ASIC2: variants seen among roughly 807,000 people sequenced by gnomAD.
The protein encoded by ASIC2 is acid-sensing ion channel 2.
A neutral mutation model predicts 57.3 loss-of-function variants in ASIC2; 25 were observed. The ratio of observed to expected loss-of-function variants is 0.44; its 90% CI spans 0.32 to 0.61. The LOEUF is 0.61. Among genes scored for constraint, ASIC2 ranks in the 20% least tolerant of loss-of-function variants. The pLI is 0.06. For synonymous variants in ASIC2, 319 were observed against 307.5 expected (o/e 1.04, Z -0.39); for missense variants, 641 against 738.1 (o/e 0.87, Z 1.52).
At chr17:33,450,730 G>T (rs1226751795) in intron 1 of ASIC2, among the ~76,000 whole-genome samples, 1 of 152,168 alleles carries the variant, frequency 6.6e-6, no homozygotes, top group African/African-American at 2.4e-5. Flanking sequence ...CCATGACTTT[G>T]TCTTCCTCTG....
chr17:33,700,251 G>T (rs1043051906), intron 1 of ASIC2, among the ~76,000 whole-genome samples: 4 of 152,024 alleles, frequency 2.6e-5, no homozygotes, highest in Non-Finnish European at 5.9e-5. Context: ...AAGAAACTTT[G>T]CTTTCCTCTG....
chr17:33,649,807 C>A (rs1293989025), intron 1 of ASIC2, among the ~76,000 whole-genome samples: 1 of 152,138 alleles, frequency 6.6e-6, no homozygotes, highest in Non-Finnish European at 1.5e-5. Context: ...GATGCTGGAG[C>A]AAGTGGATAT....
intron 1 of ASIC2, among the ~76,000 whole-genome samples, chr17:33,810,932 T>C (rs1024945049): frequency 6.6e-6 from 1 of 151,136 alleles, no homozygotes; most frequent in African/African-American, 2.4e-5. Context: ...TAACAACTAA[T>C]GATAGAAAAA....
intron 1 of ASIC2, among the ~76,000 whole-genome samples, chr17:33,337,361 A>G (rs9896563): frequency 0.066 from 10,024 of 152,268 alleles, 583 homozygotes; most frequent in Admixed American, 0.16. Context: ...ACAGATGTGG[A>G]AACTGAGGCC....
Position 33,291,423 on chromosome 17 carries a change from C to T in ASIC2, c.693G>A (p.Pro231=). The change falls in exon 1 of 10, where the codon CCG becomes CCA. Residue 231 remains proline, a synonymous_variant. Transcript: ENST00000225823. ...SCKYRGELCG[P]HNFSSVFTKY... ...GGCAACTCACGGAGGAGAAGTTGTG[C>T]GGCCCGCAGAGCTCGCCGCGGTACT... 5.6e-6 allele frequency: 9 copies of T among 1,600,104 alleles called. No individual in the cohort carries two copies. The highest frequency in any genetic ancestry group is 2.2e-5 in the East Asian group (1 of 44,584).
chr17:33,517,217 G>A (rs1319820912), intron 1 of ASIC2, among the ~76,000 whole-genome samples: 2 of 152,178 alleles, frequency 1.3e-5, no homozygotes, highest in Non-Finnish European at 2.9e-5. Flanking sequence ...CCAGGTTCAA[G>A]TGATTCTCCT....
chr17:34,033,109 T>G (rs139879048), intron 1 of ASIC2, among the ~76,000 whole-genome samples: 7,623 of 152,188 alleles, frequency 0.05, 637 homozygotes, highest in African/African-American at 0.17. Context: ...ACCACATAGA[T>G]GGAAGTAAAG....
intron 1 of ASIC2, among the ~76,000 whole-genome samples, chr17:33,488,925 TC>T (rs989781302): frequency 6.6e-6 from 1 of 151,872 alleles, no homozygotes; most frequent in African/African-American, 2.4e-5. Context: ...GATGCTGAGT[TC>T]CCCGAGACTC....
chr17:34,013,935 G>T (rs546343817), intron 1 of ASIC2, among the ~76,000 whole-genome samples: 1 of 152,248 alleles, frequency 6.6e-6, no homozygotes, highest in South Asian at 2.1e-4. Flanking sequence ...GTGGACAGAT[G>T]GACACCAGGC....
intron 1 of ASIC2, among the ~76,000 whole-genome samples, chr17:34,019,798 G>T (rs1325248770): frequency 6.6e-6 from 1 of 152,156 alleles, no homozygotes; most frequent in East Asian, 1.9e-4. Flanking sequence ...GACTGTATTT[G>T]TCATGATTCT....
chr17:33,320,829 G>A lies in ASIC2; in HGVS notation c.556-208762C>T, dbSNP rs1906840442. On this transcript the variant is annotated intron_variant, in intron 1 of 9. Transcript: ENST00000359872. The stretch of plus-strand genomic sequence containing the variant: ...CACCCCAGGGAGTTCATGGCTCTCT[G>A]TGCCCACTGCACTCTTATAACTGAT... Among the ~76,000 whole-genome samples, 3 of 152,084 alleles carry A rather than the reference G, an allele frequency of 2.0e-5. No homozygotes were observed. The South Asian group carries it at 6.2e-4, about 32-fold the overall frequency.
At chr17:34,019,891 G>A (rs1263186458) in intron 1 of ASIC2, among the ~76,000 whole-genome samples, 16 of 152,146 alleles carry the variant, frequency 1.1e-4, no homozygotes, top group Non-Finnish European at 1.5e-5. Context: ...GGGCTCAGCT[G>A]GGACACCTGG....
intron 1 of ASIC2, among the ~76,000 whole-genome samples, chr17:33,926,902 A>G (rs1207621540): frequency 1.3e-5 from 2 of 151,668 alleles, no homozygotes; most frequent in Non-Finnish European, 2.9e-5. Context: ...TTCCACTTGC[A>G]CTGTCATCTT....
chr17:34,121,637 T>C (rs1049981043), intron 1 of ASIC2, among the ~76,000 whole-genome samples: 1 of 151,812 alleles, frequency 6.6e-6, no homozygotes, highest in East Asian at 1.9e-4. Flanking sequence ...CCTTGAAATG[T>C]CACAACAGCT....
At chr17:33,242,406 G>A (rs911518549) in intron 1 of ASIC2, among the ~76,000 whole-genome samples, 35 of 152,174 alleles carry the variant, frequency 2.3e-4, no homozygotes, top group African/African-American at 8.4e-4. Context: ...AACTGCCTGT[G>A]TTTTATAGCC....
rs184230966 is a variant in ASIC2 at position 33,611,146 on chromosome 17, C to T, written c.556-499079G>A. Among the ~76,000 whole-genome samples, 4 of 152,308 alleles carry T rather than the reference C, an allele frequency of 2.6e-5. No homozygotes were observed. The East Asian group carries it at 5.8e-4, about 22-fold the overall frequency. On this transcript the variant is annotated intron_variant, in intron 1 of 9. Coordinates refer to the ASIC2 transcript ENST00000359872. ...CTGCTGCTAGCTGCTGCTTTCCCAA[C>T]TAGCCCTCCTGGTGCTGCCTGGTCC...
chr17:33,121,329 G>A (rs2092301400), intron 1 of ASIC2, among the ~76,000 whole-genome samples: 1 of 152,202 alleles, frequency 6.6e-6, no homozygotes, highest in African/African-American at 2.4e-5. Context: ...CCACCCTTTA[G>A]GAATCACCCA....
rs994412018 is a variant in ASIC2, at chr17:33,882,937, T to C, written c.555+273041A>G. Among the ~76,000 whole-genome samples the C allele has an allele frequency of 4.9e-4, 75 of 151,864 alleles. 1 individual carries two copies. Among genetic ancestry groups the C allele is most frequent in the South Asian group, 6.2e-4 (3 of 4,812 alleles). The stretch of plus-strand genomic sequence containing the variant: ...TGGAATACTATGCAGCCATGAAAAA[T>C]GATGAGTTCATGTCCTTTGTAGGGA... On this transcript the variant is annotated intron_variant, in intron 1 of 9. Coordinates refer to the ASIC2 transcript ENST00000359872.
At chr17:33,635,604 C>G (rs1252430631) in intron 1 of ASIC2, among the ~76,000 whole-genome samples, 1 of 152,196 alleles carries the variant, frequency 6.6e-6, no homozygotes, top group African/African-American at 2.4e-5. Flanking sequence ...TATGGGAATG[C>G]TGAGAATGCT....
Sources: gnomAD v4.1 joint callset for allele counts (sites outside exome capture counted in the v4.1 genomes callset) on GRCh38, gnomAD v4.1.1 for gene constraint, MANE v1.5 for transcripts, NCBI Gene and HGNC (gene_info 2026-07-23, HGNC 2026-07-21) for gene names.